KCNN2: variants seen among roughly 807,000 people sequenced by gnomAD.
KCNN2 encodes the protein potassium calcium-activated channel subfamily N member 2, also known as small conductance calcium-activated potassium channel protein 2.
A neutral mutation model predicts 55.5 loss-of-function variants in KCNN2; 24 were observed. The observed-to-expected ratio is 0.43, with a 90% CI of 0.31 to 0.61. The LOEUF (loss-of-function observed/expected upper bound fraction) is 0.61. KCNN2 is among the 20% of genes least tolerant of loss of function. The pLI is 0.08. For missense variants in KCNN2, 754 were observed against 853.6 expected (o/e 0.88, Z 1.45); for synonymous variants, 431 against 336.1 (o/e 1.28, Z -3.09).
At chr5:114,103,285 G>A (rs1438354758) in intron 1 of KCNN2, among the ~76,000 whole-genome samples, 1 of 151,936 alleles carries the variant, frequency 6.6e-6, no homozygotes. Context: ...ATTGTATCCT[G>A]AGACGGCTGA....
intron 1 of KCNN2, among the ~76,000 whole-genome samples, chr5:114,071,547 T>G (rs1750569501): frequency 6.6e-6 from 1 of 152,210 alleles, no homozygotes; most frequent in African/African-American, 2.4e-5. Context: ...ACAGTTGAGT[T>G]GATATACAAT....
chr5:114,318,846 T>C (rs1379593365), intron 2 of KCNN2, among the ~76,000 whole-genome samples: 1 of 152,166 alleles, frequency 6.6e-6, no homozygotes, highest in Non-Finnish European at 1.5e-5. Flanking sequence ...TATAAGCATG[T>C]ATTATGTTCA....
intron 3 of KCNN2, among the ~76,000 whole-genome samples, chr5:114,459,482 A>ATAGAT (rs1761090642): frequency 6.6e-6 from 1 of 152,242 alleles, no homozygotes; most frequent in African/African-American, 2.4e-5. Flanking sequence ...TGAATCTGTC[A>ATAGAT]TAGATTAAAA....
At chr5:114,065,105 C>G (rs903191628) in intron 1 of KCNN2, among the ~76,000 whole-genome samples, 1 of 152,170 alleles carries the variant, frequency 6.6e-6, no homozygotes, top group African/African-American at 2.4e-5. Flanking sequence ...AGTGGTGTCA[C>G]TTGTAGCGTC....
chr5:114,145,373 G>A (rs921854756), intron 1 of KCNN2, among the ~76,000 whole-genome samples: 1 of 152,136 alleles, frequency 6.6e-6, no homozygotes, highest in African/African-American at 2.4e-5. Context: ...TTGAAGACAC[G>A]TTGAGAGGAC....
intron 2 of KCNN2, among the ~76,000 whole-genome samples, chr5:114,280,724 A>G (rs1040694108): frequency 1.3e-5 from 2 of 152,136 alleles, no homozygotes; most frequent in East Asian, 1.9e-4. Context: ...CCTTTCTTCT[A>G]TACAATCTGT....
At chr5:114,129,381 A>G (rs952610799) in intron 1 of KCNN2, among the ~76,000 whole-genome samples, 3 of 152,116 alleles carry the variant, frequency 2.0e-5, no homozygotes, top group Admixed American at 1.3e-4. Context: ...ATTGTTTCCA[A>G]TATGGTCATA....
At position 114,485,631 on chromosome 5, in the gene KCNN2, G is replaced by A. The variant is rs762888960; in HGVS notation, c.1891-1419G>A. ...GTAGTGTTACTTATACGCAGTGCTG[G>A]CACTTGGCTTCTGTGTCAATCATTT... On this transcript the variant is annotated intron_variant, in intron 5 of 7. Transcript: ENST00000673685. 1.3e-5 allele frequency among the ~76,000 whole-genome samples: 2 copies of A among 152,058 alleles called. 1 individual carries two copies. The highest frequency in any genetic ancestry group is 4.2e-4 in the South Asian group (2 of 4,818).
chr5:114,392,066 T>C (rs1758465058), intron 2 of KCNN2, among the ~76,000 whole-genome samples: 1 of 152,194 alleles, frequency 6.6e-6, no homozygotes, highest in African/African-American at 2.4e-5. Flanking sequence ...TGGAACTGCA[T>C]CATATGGCTA....
chr5:114,489,722 A>AAGTT (rs1747756538), intron 6 of KCNN2, among the ~76,000 whole-genome samples: 1 of 152,026 alleles, frequency 6.6e-6, no homozygotes, highest in Admixed American at 6.6e-5. Flanking sequence ...TTAGTGTTGG[A>AAGTT]AGTTAGGGAG....
At chr5:114,139,847 A>G in intron 1 of KCNN2, among the ~76,000 whole-genome samples, 1 of 151,982 alleles carries the variant, frequency 6.6e-6, no homozygotes, top group East Asian at 1.9e-4. Flanking sequence ...AATTAAATGG[A>G]ACGACAATTA....
At chr5:114,381,569 C>T (rs533724621) in intron 2 of KCNN2, among the ~76,000 whole-genome samples, 1 of 152,300 alleles carries the variant, frequency 6.6e-6, no homozygotes, top group East Asian at 1.9e-4. Context: ...CCGCTTGTGT[C>T]CCTCCAAGAG....
chr5:114,103,392 G>A (rs905239323), intron 1 of KCNN2, among the ~76,000 whole-genome samples: 8 of 152,038 alleles, frequency 5.3e-5, no homozygotes, highest in Admixed American at 1.3e-4. Context: ...TTGACTTCTT[G>A]TCTTCCTATT....
intron 3 of KCNN2, among the ~76,000 whole-genome samples, chr5:114,443,767 T>C (rs1760301826): frequency 6.6e-6 from 1 of 152,172 alleles, no homozygotes; most frequent in Admixed American, 6.5e-5. Flanking sequence ...GAAATCTATA[T>C]TGTAGTGGGT....
In KCNN2 at chr5:114,191,056, T is replaced by C. The variant is rs117706396; in HGVS notation, c.-270-30424T>C. ...AAATGCTCAAATACATCCATGGTGA[T>C]GATCCTTGATTCTTTGAGTATGAAT... On this transcript the variant is annotated intron_variant, in intron 1 of 10. Transcript: ENST00000512097. 2.6e-3 allele frequency among the ~76,000 whole-genome samples: 393 copies of C among 152,312 alleles called. 7 individuals are homozygous for C. The highest frequency in any genetic ancestry group is 0.024 in the South Asian group (116 of 4,830).
At chr5:114,150,587 T>C (rs1752501161) in intron 1 of KCNN2, among the ~76,000 whole-genome samples, 2 of 152,004 alleles carry the variant, frequency 1.3e-5, no homozygotes, top group African/African-American at 2.4e-5. Flanking sequence ...TGGCCAGGGG[T>C]CCTATATCTG....
At chr5:114,415,547 G>T (rs1399336757) in intron 3 of KCNN2, among the ~76,000 whole-genome samples, 1 of 152,084 alleles carries the variant, frequency 6.6e-6, no homozygotes, top group Non-Finnish European at 1.5e-5. Context: ...GAAATATATG[G>T]TCTTAATATA....
chr5:114,454,425 T>A (rs1234759360), intron 3 of KCNN2, among the ~76,000 whole-genome samples: 1 of 152,170 alleles, frequency 6.6e-6, no homozygotes, highest in African/African-American at 2.4e-5. Flanking sequence ...GTTTACTGTT[T>A]GATGACAATC....
rs570074275 is a variant in KCNN2, at chr5:114,109,814, G to A, written c.-271+53314G>A. 3.3e-5 allele frequency among the ~76,000 whole-genome samples: 5 copies of A among 152,184 alleles called. No homozygotes were observed. The East Asian group carries it at 9.7e-4, about 30-fold the overall frequency. ...GGATGTGTTCACAGGTAGCATGTCT[G>A]TCAAGGCGTGGGGATTTTCTGGTAG... is the stretch of plus-strand genomic sequence containing the variant. On this transcript the variant is annotated intron_variant, in intron 1 of 10. Coordinates refer to the KCNN2 transcript ENST00000512097.
Sources: gnomAD v4.1 joint callset for allele counts (sites outside exome capture counted in the v4.1 genomes callset) on GRCh38, gnomAD v4.1.1 for gene constraint, MANE v1.5 for transcripts, NCBI Gene and HGNC (gene_info 2026-07-23, HGNC 2026-07-21) for gene names.